CXCL13: variants seen among roughly 807,000 people sequenced by gnomAD.
CXCL13 encodes the protein C-X-C motif chemokine ligand 13.
In CXCL13, 7 loss-of-function variants were observed where a neutral mutation model predicts 12.2. The observed-to-expected ratio is 0.57, with a 90% CI of 0.33 to 1.07. CXCL13 has a LOEUF of 1.07. Among genes scored for constraint, CXCL13 ranks in the 50% least tolerant of loss-of-function variants. CXCL13 has a pLI of 0.04. For missense variants in CXCL13, 113 were observed against 127.4 expected (o/e 0.89, Z 0.55); for synonymous variants, 47 against 42.4 (o/e 1.11, Z -0.42).
chr4:77,568,380 A>G (rs893343270), intron 1 of CXCL13, among the ~76,000 whole-genome samples: 1 of 151,268 alleles, frequency 6.6e-6, no homozygotes, highest in African/African-American at 2.4e-5. Context: ...GTTCTTTATA[A>G]CCCCCTTTGT....
At chr4:77,517,589 G>T (rs1018478169) in intron 1 of CXCL13, among the ~76,000 whole-genome samples, 1 of 152,142 alleles carries the variant, frequency 6.6e-6, no homozygotes, top group African/African-American at 2.4e-5. Context: ...TTTGATCTTT[G>T]TTGGTTTAAA....
At chr4:77,522,514 CTTTTTTTTTTTTT>C (rs777857811) in intron 1 of CXCL13, among the ~76,000 whole-genome samples, 199 of 10,098 alleles carry the variant, frequency 0.02, 2 homozygotes, top group East Asian at 0.11. Context: ...GCAACCCCTG[CTTTTTTTTTTTTT>C]TTTTTTTTTT....
At chr4:77,604,741 A>G (rs1726965195), upstream of CXCL13, among the ~76,000 whole-genome samples, 1 of 152,116 alleles carries the variant, frequency 6.6e-6, no homozygotes, top group Non-Finnish European at 1.5e-5. Flanking sequence ...TTCTACCCCC[A>G]TGAATACTGA....
chr4:77,596,412 A>C (rs999906418), intron 1 of CXCL13, among the ~76,000 whole-genome samples: 5 of 152,168 alleles, frequency 3.3e-5, no homozygotes, highest in African/African-American at 9.7e-5. Context: ...AATAGTATGG[A>C]GGTTACTCCA....
At chr4:77,528,305 G>T (rs1236104148) in intron 1 of CXCL13, among the ~76,000 whole-genome samples, 1 of 152,190 alleles carries the variant, frequency 6.6e-6, no homozygotes, top group Non-Finnish European at 1.5e-5. Flanking sequence ...TAATGGGATT[G>T]CTGGGTCAAA....
At chr4:77,534,204 A>G (rs923916336) in intron 1 of CXCL13, among the ~76,000 whole-genome samples, 1 of 152,154 alleles carries the variant, frequency 6.6e-6, no homozygotes, top group Non-Finnish European at 1.5e-5. Context: ...AAACAAAAAC[A>G]AAAGACATGC....
At chr4:77,535,296 T>C (rs1725034275) in intron 1 of CXCL13, among the ~76,000 whole-genome samples, 2 of 152,228 alleles carry the variant, frequency 1.3e-5, no homozygotes, top group Non-Finnish European at 2.9e-5. Context: ...TGTGACATAC[T>C]TCTTTCTTGA....
chr4:77,537,218 G>T (rs958905939), intron 1 of CXCL13, among the ~76,000 whole-genome samples: 1 of 152,214 alleles, frequency 6.6e-6, no homozygotes, highest in African/African-American at 2.4e-5. Context: ...GAGTACTACT[G>T]CAACCCCTAG....
intron 1 of CXCL13, among the ~76,000 whole-genome samples, chr4:77,561,326 T>G (rs1351079121): frequency 6.6e-6 from 1 of 152,174 alleles, no homozygotes; most frequent in Admixed American, 6.5e-5. Flanking sequence ...GTAATTCCTA[T>G]CAATATTTAA....
intron 1 of CXCL13, among the ~76,000 whole-genome samples, chr4:77,541,447 A>G (rs370301188): frequency 2.4e-4 from 37 of 152,240 alleles, no homozygotes; most frequent in African/African-American, 8.7e-4. Flanking sequence ...CAGCTATCCC[A>G]GCACCATTTA....
intron 1 of CXCL13, among the ~76,000 whole-genome samples, chr4:77,568,384 C>G (rs1257690124): frequency 1.3e-5 from 2 of 152,164 alleles, no homozygotes; most frequent in East Asian, 1.9e-4. Context: ...TTTATAACCC[C>G]CTTTGTCACC....
chr4:77,530,770 T>C (rs964125039), intron 1 of CXCL13, among the ~76,000 whole-genome samples: 8 of 152,128 alleles, frequency 5.3e-5, no homozygotes, highest in Non-Finnish European at 1.2e-4. Context: ...GTGTCTCTAT[T>C]TCCTTCAGTT....
intron 1 of CXCL13, among the ~76,000 whole-genome samples, chr4:77,606,138 A>T (rs1482354412): frequency 5.3e-5 from 8 of 152,222 alleles, no homozygotes; most frequent in Non-Finnish European, 1.5e-5. Flanking sequence ...TATTTATAGC[A>T]AAAAGAGATA....
intron 1 of CXCL13, among the ~76,000 whole-genome samples, chr4:77,520,426 T>C (rs1262874434): frequency 6.6e-6 from 1 of 152,218 alleles, no homozygotes; most frequent in Non-Finnish European, 1.5e-5. Flanking sequence ...GAAGAGGTCC[T>C]TCACATCCCT....
chr4:77,533,173 C>A (rs972029687), intron 1 of CXCL13, among the ~76,000 whole-genome samples: 1 of 151,968 alleles, frequency 6.6e-6, no homozygotes, highest in Non-Finnish European at 1.5e-5. Context: ...TTTTATCTAC[C>A]TTTGGTCTTT....
chr4:77,516,484 C>A lies in CXCL13; in HGVS notation c.-43+4696C>A, dbSNP rs186698099. Among the ~76,000 whole-genome samples the A allele has an allele frequency of 4.3e-3, 656 of 152,224 alleles. 12 individuals are homozygous for A. The highest frequency in any genetic ancestry group is 0.026 in the East Asian group (137 of 5,176). ...CTATTGATTATTGCCACAATTTCAG[C>A]TCCTGTTATTGGTCTATTCAGAGAT... On this transcript the variant is annotated intron_variant, in intron 1 of 4. Coordinates refer to the CXCL13 transcript ENST00000286758.
intron 1 of CXCL13, among the ~76,000 whole-genome samples, chr4:77,544,928 G>A (rs1289923206): frequency 6.6e-6 from 1 of 152,126 alleles, no homozygotes; most frequent in Non-Finnish European, 1.5e-5. Flanking sequence ...TTTGTATAAG[G>A]GGTAAGGAAG....
At chr4:77,567,612 A>C (rs1383852735) in intron 1 of CXCL13, among the ~76,000 whole-genome samples, 2 of 152,122 alleles carry the variant, frequency 1.3e-5, no homozygotes, top group Admixed American at 6.5e-5. Context: ...AACAAGATGC[A>C]GTAAAAAAAG....
At chr4:77,549,164 C>T (rs780206495) in intron 1 of CXCL13, among the ~76,000 whole-genome samples, 4 of 152,194 alleles carry the variant, frequency 2.6e-5, no homozygotes, top group Admixed American at 6.5e-5. Flanking sequence ...ACGTAGTTCT[C>T]GTGCCACGGT....
Sources: allele counts gnomAD v4.1 joint callset (sites outside exome capture counted in the v4.1 genomes callset), GRCh38; gene constraint gnomAD v4.1.1; transcripts MANE v1.5; gene names NCBI Gene and HGNC (gene_info 2026-07-23, HGNC 2026-07-21).